PPARGC1A: variants seen among roughly 807,000 people sequenced by gnomAD.
PPARGC1A encodes the protein peroxisome proliferator-activated receptor gamma coactivator 1-alpha.
In PPARGC1A, 25 loss-of-function variants were observed where a neutral mutation model predicts 88.7. The observed-to-expected ratio is 0.28, with a 90% CI of 0.21 to 0.39. The LOEUF (loss-of-function observed/expected upper bound fraction) is 0.39, where lower values mean the gene tolerates loss of function less well. PPARGC1A is among the 10% of genes least tolerant of loss of function. The probability of loss-of-function intolerance (pLI) is 1.00; values close to 1 mark genes in which losing one functional copy is unlikely to be tolerated. For missense variants in PPARGC1A, 880 were observed against 968.7 expected, an observed-to-expected ratio of 0.91 and a Z score of 1.22; for synonymous variants, 363 against 355.6, an observed-to-expected ratio of 1.02 and a Z score of -0.24.
chr4:24,070,218 C>G, the PPARGC1A span, among the ~76,000 whole-genome samples: 1 of 152,234 alleles, frequency 6.6e-6, no homozygotes, highest in Non-Finnish European at 1.5e-5. Flanking sequence ...CTTCTCTTCA[C>G]TGGGCCTACT....
rs11354781 is a variant in PPARGC1A at position 23,877,537 on chromosome 4, C to CAAAAA, written c.234+7210_234+7214dup. Among the ~76,000 whole-genome samples, 12 of 49,870 alleles carry CAAAAA rather than the reference C, an allele frequency of 2.4e-4. 1 individual carries two copies. Among genetic ancestry groups the CAAAAA allele is most frequent in the African/African-American group, 6.7e-4 (7 of 10,474 alleles). The allele number at this position is 49,870 out of a possible 152,430, so 32.7% of individuals were successfully genotyped here. On this transcript the variant is annotated intron_variant, in intron 2 of 12. Coordinates refer to ENST00000264867, the MANE Select transcript of PPARGC1A (RefSeq NM_013261.5). ...TGGGCGACAGAGCGAGACTCCATCT[C>CAAAAA]AAAAAAAAAAAAAAAAAAAAAAAAA...
At chr4:24,372,183 C>A in the PPARGC1A span, among the ~76,000 whole-genome samples, 1 of 152,182 alleles carries the variant, frequency 6.6e-6, no homozygotes, top group East Asian at 1.9e-4. Flanking sequence ...CCAGTCTTAC[C>A]CTAACCAACT....
chr4:24,073,644 C>T, the PPARGC1A span, among the ~76,000 whole-genome samples: 1 of 152,154 alleles, frequency 6.6e-6, no homozygotes, highest in African/African-American at 2.4e-5. Context: ...GATTTTTCTA[C>T]TTAACCCTGT....
chr4:23,873,920 C>A (rs555945636), intron 2 of PPARGC1A, among the ~76,000 whole-genome samples: 3 of 152,150 alleles, frequency 2.0e-5, no homozygotes, highest in African/African-American at 7.2e-5. Flanking sequence ...CCAGATTAGC[C>A]AATTAGCATT....
chr4:24,064,598 C>T, the PPARGC1A span, among the ~76,000 whole-genome samples: 1 of 152,066 alleles, frequency 6.6e-6, no homozygotes, highest in South Asian at 2.1e-4. Context: ...TATAAAGACA[C>T]ACAGCTCATA....
chr4:24,449,219 C>T, the PPARGC1A span, among the ~76,000 whole-genome samples: 2 of 152,170 alleles, frequency 1.3e-5, no homozygotes, highest in African/African-American at 4.8e-5. Context: ...GCTTAAAAAC[C>T]CAGCCCAGAA....
At chr4:24,387,804 GAAAGAAAGAAAGAA>G in the PPARGC1A span, among the ~76,000 whole-genome samples, 3 of 109,294 alleles carry the variant, frequency 2.7e-5, no homozygotes, top group South Asian at 6.8e-4. Flanking sequence ...AAGAAAGAAA[GAAAGAAAGAAAGAA>G]AGAAAGAGAG....
chr4:23,957,897 T>C, the PPARGC1A span, among the ~76,000 whole-genome samples: 1 of 152,088 alleles, frequency 6.6e-6, no homozygotes, highest in South Asian at 2.1e-4. Context: ...AAACCTGGAA[T>C]GTTGACAAAA....
the PPARGC1A span, among the ~76,000 whole-genome samples, chr4:24,375,303 ATCTGC>A: frequency 1.3e-5 from 2 of 152,138 alleles, no homozygotes; most frequent in South Asian, 4.1e-4. Flanking sequence ...CTGTACTGAA[ATCTGC>A]TCAAAGTCCG....
chr4:24,285,428 A>G, the PPARGC1A span, among the ~76,000 whole-genome samples: 6 of 151,420 alleles, frequency 4.0e-5, no homozygotes, highest in Non-Finnish European at 8.9e-5. Flanking sequence ...AGGGGGCTGT[A>G]AAAAAACAGG....
chr4:23,878,307 C>T (rs139013628), intron 2 of PPARGC1A, among the ~76,000 whole-genome samples: 216 of 150,532 alleles, frequency 1.4e-3, no homozygotes, highest in African/African-American at 5.2e-3. Context: ...CACATTCTCA[C>T]TTTGCAAACT....
chr4:24,140,506 G>A, the PPARGC1A span, among the ~76,000 whole-genome samples: 5 of 152,218 alleles, frequency 3.3e-5, no homozygotes, highest in African/African-American at 1.2e-4. Context: ...GGTACCTGTC[G>A]CCAGAAGAGG....
At chr4:23,993,406 C>T in the PPARGC1A span, among the ~76,000 whole-genome samples, 1 of 152,124 alleles carries the variant, frequency 6.6e-6, no homozygotes, top group Non-Finnish European at 1.5e-5. Context: ...AGATAAATTG[C>T]TGACATCTAA....
chr4:24,210,913 G>A, the PPARGC1A span, among the ~76,000 whole-genome samples: 1 of 152,206 alleles, frequency 6.6e-6, no homozygotes, highest in Non-Finnish European at 1.5e-5. Context: ...GATTTCTCTG[G>A]CATTTTCTGA....
chr4:24,293,993 C>G, the PPARGC1A span, among the ~76,000 whole-genome samples: 2 of 152,064 alleles, frequency 1.3e-5, no homozygotes, highest in Non-Finnish European at 2.9e-5. Context: ...ACTTTTGGAT[C>G]AAGTTTGGCA....
chr4:24,340,913 C>G, the PPARGC1A span, among the ~76,000 whole-genome samples: 2 of 152,122 alleles, frequency 1.3e-5, no homozygotes, highest in African/African-American at 4.8e-5. Flanking sequence ...AGTAAATTAT[C>G]CATTTCTTCA....
the PPARGC1A span, among the ~76,000 whole-genome samples, chr4:24,435,737 T>A: frequency 3.9e-4 from 60 of 152,236 alleles, 1 homozygote; most frequent in Middle Eastern, 3.4e-3. Context: ...CACTAAGAGG[T>A]GATTTTTTAA....
chr4:23,996,181 C>T, the PPARGC1A span, among the ~76,000 whole-genome samples: 1 of 152,134 alleles, frequency 6.6e-6, no homozygotes, highest in Admixed American at 6.5e-5. Flanking sequence ...CTAACTACAA[C>T]TGAATTTTGA....
rs192061652 is a variant in PPARGC1A, at chr4:23,862,623, T to C, written c.234+22129A>G. On this transcript the variant is annotated intron_variant, in intron 2 of 12. Coordinates refer to ENST00000264867, the MANE Select transcript of PPARGC1A (RefSeq NM_013261.5). The stretch of plus-strand genomic sequence containing the variant: ...GGTGATTATGAGAATTAGATAAGAC[T>C]AGTTTTTATTTTTTTAATTAAACTC... Among the ~76,000 whole-genome samples, 3 of 152,328 alleles carry C rather than the reference T, an allele frequency of 2.0e-5. No homozygotes were observed. In the East Asian group the frequency reaches 5.8e-4, roughly 29 times the overall value.
Sources: gnomAD v4.1 joint callset for allele counts (sites outside exome capture counted in the v4.1 genomes callset) on GRCh38, gnomAD v4.1.1 for gene constraint, MANE v1.5 for transcripts, NCBI Gene and HGNC (gene_info 2026-07-23, HGNC 2026-07-21) for gene names.